Variants in PCDH9 observed in about 807,000 individuals in gnomAD.
PCDH9 encodes protocadherin-9.
PCDH9 carries 24 observed loss-of-function variants against 70.6 expected under a neutral mutation model. The ratio of observed to expected loss-of-function variants is 0.34; its 90% confidence interval spans 0.25 to 0.48. The LOEUF (loss-of-function observed/expected upper bound fraction) is 0.48, where lower values mean the gene tolerates loss of function less well. Ranked by LOEUF, PCDH9 falls within the 20% of genes least tolerant of loss-of-function variation. PCDH9 has a pLI of 0.99. For missense variants in PCDH9, 1,281 were observed against 1,503.6 expected (o/e 0.85, Z 2.45); for synonymous variants, 562 against 558.5 (o/e 1.01, Z -0.09).
intron 2 of PCDH9, among the ~76,000 whole-genome samples, chr13:67,077,951 T>C (rs964233766): frequency 2.0e-5 from 3 of 152,214 alleles, no homozygotes; most frequent in African/African-American, 7.2e-5. Context: ...CTTTTCCATC[T>C]TTCCATTTGA....
At chr13:66,653,669 C>G (rs893380192) in intron 3 of PCDH9, among the ~76,000 whole-genome samples, 5 of 151,838 alleles carry the variant, frequency 3.3e-5, no homozygotes, top group Admixed American at 6.6e-5. Context: ...GAGGTATATA[C>G]CCAAAAGAAA....
intron 2 of PCDH9, among the ~76,000 whole-genome samples, chr13:66,908,020 G>A (rs2082392351): frequency 6.6e-6 from 1 of 152,110 alleles, no homozygotes; most frequent in African/African-American, 2.4e-5. Flanking sequence ...TTCTAAAACA[G>A]AACATTTGTT....
intron 4 of PCDH9, among the ~76,000 whole-genome samples, chr13:66,333,374 C>T (rs1029354570): frequency 3.3e-5 from 5 of 152,130 alleles, no homozygotes; most frequent in East Asian, 1.9e-4. Context: ...ATGGACTAGG[C>T]ACCCTGTATG....
intron 2 of PCDH9, among the ~76,000 whole-genome samples, chr13:67,058,795 G>A (rs1314793757): frequency 1.3e-5 from 2 of 151,990 alleles, no homozygotes; most frequent in African/African-American, 4.8e-5. Flanking sequence ...ACCTGGCAAG[G>A]GAAGCCCATA....
At chr13:66,485,689 T>G (rs2138519356) in intron 4 of PCDH9, among the ~76,000 whole-genome samples, 1 of 152,238 alleles carries the variant, frequency 6.6e-6, no homozygotes, top group East Asian at 1.9e-4. Context: ...ACTAATAAAT[T>G]ATTCTTCAAC....
rs575150142 is a variant in PCDH9, at chr13:67,078,080, G to A, written c.3036+147325C>T. ...GAAACTACTTGGCATTCCTGCAGAT[G>A]GCTGAGGTGTCCATGGATATCCGCC... On this transcript the variant is annotated intron_variant, in intron 2 of 4. Transcript: ENST00000377865. 2.6e-5 allele frequency among the ~76,000 whole-genome samples: 4 copies of A among 151,972 alleles called. No individual in the cohort carries two copies. The South Asian group carries it at 6.2e-4, about 24-fold the overall frequency.
At chr13:67,065,565 A>G (rs983273532) in intron 2 of PCDH9, among the ~76,000 whole-genome samples, 5 of 152,158 alleles carry the variant, frequency 3.3e-5, no homozygotes, top group Non-Finnish European at 7.4e-5. Context: ...ATACACCATA[A>G]TAGTATAGTT....
chr13:66,332,905 T>C (rs1326141187), intron 4 of PCDH9, among the ~76,000 whole-genome samples: 2 of 151,980 alleles, frequency 1.3e-5, no homozygotes, highest in African/African-American at 4.8e-5. Context: ...CAGGGATGTG[T>C]TTATGAATGT....
intron 4 of PCDH9, among the ~76,000 whole-genome samples, chr13:66,360,069 G>A (rs1262695065): frequency 6.6e-6 from 1 of 152,052 alleles, no homozygotes; most frequent in Non-Finnish European, 1.5e-5. Context: ...GGGAGATGTT[G>A]GCAGTAGGTA....
intron 3 of PCDH9, among the ~76,000 whole-genome samples, chr13:66,714,730 A>T (rs2078847398): frequency 6.6e-6 from 1 of 152,188 alleles, no homozygotes; most frequent in Non-Finnish European, 1.5e-5. Flanking sequence ...ATGTGGGTTG[A>T]GTTAGGTTAT....
chr13:66,447,280 C>A (rs1191075545), intron 4 of PCDH9, among the ~76,000 whole-genome samples: 1 of 152,054 alleles, frequency 6.6e-6, no homozygotes, highest in Admixed American at 6.6e-5. Context: ...CACAACTCCA[C>A]TTGAACATGT....
intron 2 of PCDH9, among the ~76,000 whole-genome samples, chr13:67,064,372 G>A (rs775166302): frequency 3.2e-4 from 49 of 152,176 alleles, no homozygotes; most frequent in African/African-American, 8.4e-4. Flanking sequence ...ATCAGCCTGC[G>A]TACCAGTGCA....
intron 2 of PCDH9, among the ~76,000 whole-genome samples, chr13:67,158,557 T>C (rs1281130245): frequency 6.6e-6 from 1 of 152,116 alleles, no homozygotes; most frequent in Admixed American, 6.5e-5. Context: ...AAGGAGAATC[T>C]CTCCCTCTGT....
intron 2 of PCDH9, among the ~76,000 whole-genome samples, chr13:66,972,486 G>T (rs1032156845): frequency 2.0e-5 from 3 of 151,774 alleles, no homozygotes; most frequent in African/African-American, 7.3e-5. Context: ...AGAAGAACAC[G>T]GCTTAAGTCA....
intron 4 of PCDH9, among the ~76,000 whole-genome samples, chr13:66,352,593 T>C (rs1956309951): frequency 6.6e-6 from 1 of 152,152 alleles, no homozygotes. Context: ...TGTTTCTTCT[T>C]ATGAGGACAC....
chr13:66,427,406 T>C (rs1035808684), intron 4 of PCDH9, among the ~76,000 whole-genome samples: 1 of 151,798 alleles, frequency 6.6e-6, no homozygotes, highest in South Asian at 2.1e-4. Context: ...TATTCTTGCA[T>C]AAATGCATAT....
chr13:66,804,606 T>C (rs577947663), intron 3 of PCDH9, among the ~76,000 whole-genome samples: 2 of 152,258 alleles, frequency 1.3e-5, no homozygotes, highest in South Asian at 4.2e-4. Flanking sequence ...TTTTGCCCAA[T>C]TACTGTTCAA....
At position 66,926,839 on chromosome 13, in the gene PCDH9, G is replaced by T. The variant is rs79155012; in HGVS notation, c.3037-23234C>A. Among the ~76,000 whole-genome samples the T allele has an allele frequency of 2.7e-4, 41 of 151,070 alleles. 1 individual carries two copies. The highest frequency in any genetic ancestry group is 8.8e-5 in the Non-Finnish European group (6 of 67,982). ...TACATGAGCTTACATTCTTTTAGGG[G>T]TGATAGATACACAAAAAAATCAGTG... On this transcript the variant is annotated intron_variant, in intron 2 of 4. Coordinates refer to ENST00000377865, the MANE Select transcript of PCDH9 (RefSeq NM_203487.3).
intron 2 of PCDH9, among the ~76,000 whole-genome samples, chr13:67,068,040 A>T (rs1210275315): frequency 1.3e-5 from 2 of 152,136 alleles, no homozygotes; most frequent in East Asian, 3.8e-4. Flanking sequence ...ATTTTACAAT[A>T]AAATAACTTC....
Sources: gnomAD v4.1 joint callset for allele counts (sites outside exome capture counted in the v4.1 genomes callset) on GRCh38, gnomAD v4.1.1 for gene constraint, MANE v1.5 for transcripts, NCBI Gene and HGNC (gene_info 2026-07-23, HGNC 2026-07-21) for gene names.